The following HS1BP3 variants were observed in gnomAD, a reference collection of about 807,000 sequenced individuals.
HS1BP3 encodes the protein HCLS1-binding protein 3.
In HS1BP3, 32 loss-of-function variants were observed where a neutral mutation model predicts 33.5. The observed-to-expected ratio is 0.95, with a 90% CI of 0.72 to 1.28. HS1BP3 has a LOEUF of 1.28. Ranked by LOEUF, HS1BP3 falls within the 50% of genes most tolerant of loss-of-function variation. The pLI, the probability that HS1BP3 is intolerant of heterozygous loss-of-function variation, is 0.00. For missense variants in HS1BP3, 486 were observed against 502.3 expected (o/e 0.97, Z 0.31); for synonymous variants, 187 against 209.2 (o/e 0.89, Z 0.92).
chr2:20,624,614 C>T, intron 5 of HS1BP3, 118 bp downstream of exon 5: 1 of 964,318 alleles, frequency 1.0e-6, no homozygotes, highest in Non-Finnish European at 1.5e-6. Flanking sequence ...TATATCACAT[C>T]TAAACAGGAC....
chr2:20,569,697 A>G (rs1289423621), intron 5 of HS1BP3, among the ~76,000 whole-genome samples: 1 of 152,148 alleles, frequency 6.6e-6, no homozygotes, highest in Non-Finnish European at 1.5e-5. Flanking sequence ...CTCCGACTCC[A>G]TTGATCCCAG....
intron 5 of HS1BP3, chr2:20,586,511 C>T (rs1012864097): frequency 3.9e-5 from 6 of 152,072 alleles, no homozygotes; most frequent in African/African-American, 1.2e-4. Context: ...TTAGAATTTA[C>T]CAAAAATAGA....
intron 5 of HS1BP3, among the ~76,000 whole-genome samples, chr2:20,573,372 C>G (rs1389847520): frequency 6.6e-6 from 1 of 152,178 alleles, no homozygotes; most frequent in Admixed American, 6.5e-5. Context: ...TCCTCTTTAA[C>G]CATGGGGTCC....
intron 5 of HS1BP3, among the ~76,000 whole-genome samples, chr2:20,581,013 C>A (rs188524178): frequency 6.6e-6 from 1 of 152,364 alleles, no homozygotes; most frequent in East Asian, 1.9e-4. Flanking sequence ...GTCAGGCATG[C>A]ACTCCAGGCA....
chr2:20,618,595 T>A lies in HS1BP3; in HGVS notation c.*392A>T. 5 of 568,292 alleles carry A rather than the reference T, an allele frequency of 8.8e-6. No homozygotes were observed. Among genetic ancestry groups the A allele is most frequent in the Non-Finnish European group, 1.1e-5 (5 of 436,196 alleles). 35.2% of individuals were successfully genotyped at this position (568,292 alleles called of 1,614,324 possible). On this transcript the variant is annotated 3_prime_UTR_variant, in exon 7 of 7. Coordinates refer to ENST00000304031, the MANE Select transcript of HS1BP3 (RefSeq NM_022460.4). ...TAGAGGCCCAGCCCCAGTTTGGGTC[T>A]GTGCTGGGGCTGGCAGAACCCGTGG...
chr2:20,596,567 C>T (rs1169005640), intron 3 of HS1BP3, among the ~76,000 whole-genome samples: 5 of 152,346 alleles, frequency 3.3e-5, no homozygotes, highest in Non-Finnish European at 7.3e-5. Flanking sequence ...TGACCTTGGA[C>T]TTCTCAGCCT....
At chr2:20,571,362 C>G (rs1043651299) in intron 5 of HS1BP3, among the ~76,000 whole-genome samples, 1 of 152,206 alleles carries the variant, frequency 6.6e-6, no homozygotes, top group African/African-American at 2.4e-5. Context: ...GCCTGAGCCC[C>G]GGGGCCACCC....
chr2:20,623,807 TG>T, intron 6 of HS1BP3, 88 bp downstream of exon 6: 1 of 1,423,930 alleles, frequency 7.0e-7, no homozygotes. Flanking sequence ...CAGAGGAGGC[TG>T]GGGCTGAGAC....
chr2:20,642,250 C>T (rs546597131), intron 2 of HS1BP3, among the ~76,000 whole-genome samples: 9 of 152,204 alleles, frequency 5.9e-5, no homozygotes, highest in South Asian at 4.1e-4. Flanking sequence ...CTGACGCCCT[C>T]GGGCTCGGGG....
At chr2:20,631,770 T>C (rs1029899580) in intron 4 of HS1BP3, among the ~76,000 whole-genome samples, 4 of 152,082 alleles carry the variant, frequency 2.6e-5, no homozygotes, top group African/African-American at 9.7e-5. Context: ...TCACCCATCC[T>C]GGCTCCTGCA....
At chr2:20,602,672 A>G (rs1405209849) in intron 2 of HS1BP3, among the ~76,000 whole-genome samples, 1 of 152,192 alleles carries the variant, frequency 6.6e-6, no homozygotes, top group Non-Finnish European at 1.5e-5. Flanking sequence ...ATTGTTTTTA[A>G]AAACTGGAAA....
intron 4 of HS1BP3, among the ~76,000 whole-genome samples, chr2:20,628,118 C>T (rs10186814): frequency 0.34 from 52,390 of 152,118 alleles, 9,448 homozygotes; most frequent in East Asian, 0.59. Context: ...CTGGGCTTGC[C>T]ACCAGGCCCT....
chr2:20,624,051 G>T lies in HS1BP3; in HGVS notation c.785-20C>A. Reference sequence around the variant, plus strand: ...TCAGGGCTGTGGGAAGGCAGCAGCAGGGGGGTCAGAGGAAGCCTCTAGGCT... The same window carrying T: ...TCAGGGCTGTGGGAAGGCAGCAGCATGGGGGTCAGAGGAAGCCTCTAGGCT... On this transcript the variant is annotated intron_variant, in intron 5 of 6. Coordinates refer to ENST00000304031, the MANE Select transcript of HS1BP3 (RefSeq NM_022460.4). 1 of 1,609,090 alleles carries T rather than the reference G, an allele frequency of 6.2e-7. No homozygotes were observed. The highest frequency in any genetic ancestry group is 8.5e-7 in the Non-Finnish European group (1 of 1,179,142).
At chr2:20,556,495 C>A (rs1476691769), downstream of HS1BP3, among the ~76,000 whole-genome samples, 1 of 152,116 alleles carries the variant, frequency 6.6e-6, no homozygotes, top group Non-Finnish European at 1.5e-5. Context: ...ACTTTATTAA[C>A]TTCTTTTATA....
At chr2:20,560,391 A>G (rs6531244), downstream of HS1BP3, 150,964 of 152,542 alleles carry the variant, frequency 0.99, 74,724 homozygotes, top group Middle Eastern at 1. Flanking sequence ...CCAGCCCAGG[A>G]TCCTGGGGGA....
the HS1BP3 span, among the ~76,000 whole-genome samples, chr2:20,555,184 G>C: frequency 2.0e-5 from 3 of 152,174 alleles, no homozygotes; most frequent in Non-Finnish European, 4.4e-5. Context: ...CCCATGCGAC[G>C]CTAGGAACTG....
At chr2:20,628,564 G>A (rs1001190219) in intron 4 of HS1BP3, among the ~76,000 whole-genome samples, 3 of 151,682 alleles carry the variant, frequency 2.0e-5, no homozygotes, top group African/African-American at 7.3e-5. Flanking sequence ...GAACCCCAGG[G>A]ATGTAGGTTG....
chr2:20,624,740 G>C lies in HS1BP3; in HGVS notation c.776C>G (p.Ser259Cys). Residue 259 changes from serine to cysteine, a missense_variant, in exon 5 of 7, where the codon TCC becomes TGC. By Grantham distance (112) the Ser-to-Cys change is moderately radical (BLOSUM62 -1). Transcript: ENST00000304031. The stretch of plus-strand genomic sequence containing the variant: ...CATGGGGCTCTACTTACGGTCCACG[G>C]ATGACACGTCCTCCGAGGGGTCCTG... ...SPQDPSEDVS[S>C]VDPLKLFDDP... is the part of the protein sequence containing the mutation. 1 of 1,600,324 alleles carries C rather than the reference G, an allele frequency of 6.2e-7. No individual in the cohort carries two copies. The highest frequency in any genetic ancestry group is 8.5e-7 in the Non-Finnish European group (1 of 1,172,050).
In HS1BP3 at chr2:20,576,564, C is replaced by T. The variant is rs187423326; in HGVS notation, c.303-16049G>A. ...TGGAATCTGCCACATTCTAGCTACACGACCTTCTCTCTAAAGTGGGAACAG... is the reference window on the plus strand; with the variant it reads ...TGGAATCTGCCACATTCTAGCTACATGACCTTCTCTCTAAAGTGGGAACAG... On this transcript the variant is annotated intron_variant, in intron 5 of 5. Coordinates refer to the HS1BP3 transcript ENST00000446825. Among the ~76,000 whole-genome samples the T allele has an allele frequency of 5.3e-4, 80 of 152,338 alleles. 1 individual carries two copies. Among genetic ancestry groups the T allele is most frequent in the East Asian group, 4.6e-3 (24 of 5,172 alleles).
Sources: gnomAD v4.1 joint callset for allele counts (sites outside exome capture counted in the v4.1 genomes callset) on GRCh38, gnomAD v4.1.1 for gene constraint, MANE v1.5 for transcripts, NCBI Gene and HGNC (gene_info 2026-07-23, HGNC 2026-07-21) for gene names.